The following FARP2 variants were observed in gnomAD, a reference collection of about 807,000 sequenced individuals.
FARP2 encodes the protein FERM, ARH/RhoGEF and pleckstrin domain protein 2, also known as FERM, ARHGEF and pleckstrin domain-containing protein 2.
A neutral mutation model predicts 130.5 loss-of-function variants in FARP2; 111 were observed. That is an observed-to-expected ratio of 0.85 (90% CI 0.73 to 1.00). The LOEUF is 1.00. Ranked by LOEUF, FARP2 falls within the 50% of genes least tolerant of loss-of-function variation. The pLI is 0.00. For missense variants in FARP2, 1,385 were observed against 1,346.3 expected (o/e 1.03, Z -0.45); for synonymous variants, 504 against 516.9 (o/e 0.98, Z 0.34).
In FARP2 at chr2:241,470,068, C is replaced by G. The variant is rs11886078; in HGVS notation, c.2131+1691C>G. 9.9e-3 allele frequency among the ~76,000 whole-genome samples: 1,506 copies of G among 152,330 alleles called. 26 individuals carry two copies. The highest frequency in any genetic ancestry group is 0.035 in the African/African-American group (1,440 of 41,550). On this transcript the variant is annotated intron_variant, in intron 18 of 26. Coordinates refer to ENST00000264042, the MANE Select transcript of FARP2 (RefSeq NM_014808.4). ...TCCTTTCCCTCCATGACCCCACTCT[C>G]CAAATGTGGGACACAGGAATGCTTG... is the stretch of plus-strand genomic sequence containing the variant.
intron 2 of FARP2, among the ~76,000 whole-genome samples, chr2:241,382,764 C>G (rs1192252879): frequency 6.6e-6 from 1 of 152,312 alleles, no homozygotes; most frequent in African/African-American, 2.4e-5. Flanking sequence ...GTTCATTTCT[C>G]TCACCTTTAT....
At chr2:241,456,623 A>T in intron 13 of FARP2, 124 bp from the exon 14 acceptor site, 1 of 843,636 alleles carries the variant, frequency 1.2e-6, no homozygotes, top group Non-Finnish European at 1.9e-6. Context: ...TACACATTTT[A>T]CAGGAAGCGC....
In FARP2 at chr2:241,400,120, G is replaced by T. The variant is rs143223634; in HGVS notation, c.184-3708G>T. On this transcript the variant is annotated intron_variant, in intron 2 of 26. Coordinates refer to ENST00000264042, the MANE Select transcript of FARP2 (RefSeq NM_014808.4). ...GCCTTCATTAGTGTAGTCAGGCAGG[G>T]CTCCTGGAGCACACTCTGGCTGCAC... 3.3e-5 allele frequency among the ~76,000 whole-genome samples: 5 copies of T among 152,282 alleles called. No individual in the cohort carries two copies. In the East Asian group the frequency reaches 9.6e-4, roughly 29 times the overall value.
chr2:241,371,565 A>G (rs933875035), intron 1 of FARP2, among the ~76,000 whole-genome samples: 6 of 152,210 alleles, frequency 3.9e-5, no homozygotes, highest in African/African-American at 1.2e-4. Context: ...GGAGACTCGG[A>G]GCAATTAAGT....
At chr2:241,434,077 G>A (rs192264023) in intron 9 of FARP2, 81 bp from the exon 10 acceptor site, 47 of 1,075,042 alleles carry the variant, frequency 4.4e-5, no homozygotes, top group East Asian at 7.8e-5. Context: ...ATTCCCTATC[G>A]TGTGATCTGC....
chr2:241,422,709 A>C (rs1372477858), intron 8 of FARP2, among the ~76,000 whole-genome samples: 3 of 152,188 alleles, frequency 2.0e-5, no homozygotes, highest in African/African-American at 7.2e-5. Context: ...AACCCAATGC[A>C]AAGAAGCTAA....
chr2:241,396,568 C>A (rs1472340966), intron 2 of FARP2, among the ~76,000 whole-genome samples: 1 of 152,114 alleles, frequency 6.6e-6, no homozygotes, highest in African/African-American at 2.4e-5. Context: ...ATGCAGCCAA[C>A]AAACACATGA....
intron 2 of FARP2, among the ~76,000 whole-genome samples, chr2:241,396,867 A>G (rs573747751): frequency 5.9e-5 from 9 of 152,238 alleles, no homozygotes; most frequent in Non-Finnish European, 1.3e-4. Context: ...TCATGCTGCT[A>G]TAAAGACACA....
At chr2:241,450,312 A>G (rs6437260) in intron 13 of FARP2, among the ~76,000 whole-genome samples, 5,275 of 151,458 alleles carry the variant, frequency 0.035, 295 homozygotes, top group African/African-American at 0.12. Context: ...GCAGTGAGCC[A>G]TGATTGTGGC....
intron 2 of FARP2, among the ~76,000 whole-genome samples, chr2:241,382,924 A>AATAC: frequency 6.6e-6 from 1 of 152,174 alleles, no homozygotes; most frequent in Admixed American, 6.5e-5. Context: ...TTGAAGTTTA[A>AATAC]AAATAACTTA....
chr2:241,476,001 C>T lies in FARP2; in HGVS notation c.2262+14C>T, dbSNP rs1439409761. ...GCTCCTGGCAGGGTGAGTGACCTTG[C>T]TCTGGGAATGTTTTTTGAGCTACTT... is the stretch of plus-strand genomic sequence containing the variant. On this transcript the variant is annotated intron_variant, in intron 19 of 26. Transcript: ENST00000264042. 1 of 1,597,778 alleles carries T rather than the reference C, an allele frequency of 6.3e-7. No individual in the cohort carries two copies.
chr2:241,401,233 T>C (rs1260659162), intron 2 of FARP2, among the ~76,000 whole-genome samples: 1 of 152,222 alleles, frequency 6.6e-6, no homozygotes, highest in Non-Finnish European at 1.5e-5. Flanking sequence ...CATAATGTCC[T>C]TTGGAACAAT....
intron 8 of FARP2, among the ~76,000 whole-genome samples, chr2:241,425,709 C>G (rs1411392615): frequency 8.3e-6 from 1 of 120,066 alleles, no homozygotes; most frequent in Admixed American, 8.8e-5. Context: ...ACCAGAGGTA[C>G]AAAGAAGAGC....
At chr2:241,357,535 T>C (rs2061096325) in intron 1 of FARP2, among the ~76,000 whole-genome samples, 1 of 152,186 alleles carries the variant, frequency 6.6e-6, no homozygotes, top group South Asian at 2.1e-4. Context: ...ATTTATTCAG[T>C]TTTCCAAAAC....
chr2:241,452,496 T>G (rs2150441810), intron 13 of FARP2, among the ~76,000 whole-genome samples: 1 of 152,318 alleles, frequency 6.6e-6, no homozygotes, highest in Admixed American at 6.5e-5. Context: ...AGGTTTGCTA[T>G]AGCTAACATT....
chr2:241,466,131 C>G (rs1441232620), intron 17 of FARP2: 2 of 1,065,182 alleles, frequency 1.9e-6, no homozygotes, highest in Non-Finnish European at 2.3e-6. Context: ...GTCCACAAAA[C>G]CAAATCTGGG....
intron 7 of FARP2, among the ~76,000 whole-genome samples, chr2:241,414,400 A>G (rs930842789): frequency 5.3e-5 from 8 of 152,150 alleles, no homozygotes; most frequent in African/African-American, 7.2e-5. Flanking sequence ...TGCCTTTGTG[A>G]CACATCCTGT....
In FARP2 at chr2:241,455,992, T is replaced by A. The variant is rs1247386121; in HGVS notation, c.1412-755T>A. Among the ~76,000 whole-genome samples, 4 of 151,530 alleles carry A rather than the reference T, an allele frequency of 2.6e-5. No homozygotes were observed. In the South Asian group the frequency reaches 8.3e-4, roughly 31 times the overall value. On this transcript the variant is annotated intron_variant, in intron 13 of 26. Coordinates refer to ENST00000264042, the MANE Select transcript of FARP2 (RefSeq NM_014808.4). The stretch of plus-strand genomic sequence containing the variant: ...AAATTTGGCACTTAATAGTTACTGG[T>A]TTCCCATAGAAAAACATTAGAAATT...
chr2:241,484,288 GCCACTT>G lies in FARP2; in HGVS notation c.2381_2386del (p.His794_Phe795del). 6.2e-7 allele frequency: 1 copy of G among 1,614,160 alleles called. No individual in the cohort carries two copies. The highest frequency in any genetic ancestry group is 8.5e-7 in the Non-Finnish European group (1 of 1,179,988). On this transcript the variant is annotated inframe_deletion, in exon 21 of 27. Coordinates refer to ENST00000264042, the MANE Select transcript of FARP2 (RefSeq NM_014808.4). ...ACAAGCAAAGGAGTTGCAGGGACCA[GCCACTT>G]CCGGATCCGGGGCCTCCTTCCCCTC...
Sources: gnomAD v4.1 joint callset for allele counts (sites outside exome capture counted in the v4.1 genomes callset) on GRCh38, gnomAD v4.1.1 for gene constraint, MANE v1.5 for transcripts, NCBI Gene and HGNC (gene_info 2026-07-23, HGNC 2026-07-21) for gene names.